The following FNDC3A variants were observed in gnomAD, a reference collection of about 807,000 sequenced individuals.
The protein encoded by FNDC3A is fibronectin type-III domain-containing protein 3A.
A neutral mutation model predicts 148.9 loss-of-function variants in FNDC3A; 32 were observed. The observed-to-expected ratio is 0.21, with a 90% confidence interval of 0.16 to 0.29. The LOEUF (loss-of-function observed/expected upper bound fraction) is 0.29. FNDC3A is among the 10% of genes least tolerant of loss of function. FNDC3A has a pLI of 1.00. For synonymous variants in FNDC3A, 472 were observed against 473.6 expected (o/e 1.00, Z 0.04); for missense variants, 1,191 against 1,452.8 (o/e 0.82, Z 2.93).
chr13:49,042,766 C>T (rs1437658257), intron 2 of FNDC3A, among the ~76,000 whole-genome samples: 1 of 151,880 alleles, frequency 6.6e-6, no homozygotes, highest in Non-Finnish European at 1.5e-5. Flanking sequence ...AACAGAGACC[C>T]TGTCTCAAAA....
Position 49,123,095 on chromosome 13 carries a change from C to G in FNDC3A, c.253-8042C>G, listed in dbSNP as rs1203493809. Among the ~76,000 whole-genome samples the G allele has an allele frequency of 2.0e-5, 3 of 152,148 alleles. No individual in the cohort carries two copies. The East Asian group carries it at 5.8e-4, about 29-fold the overall frequency. ...AGACATCATGCTGCCTGACTTCAAA[C>G]TATACTACAAATCTACAGTAACCAA... On this transcript the variant is annotated intron_variant, in intron 4 of 25. Coordinates refer to ENST00000492622, the MANE Select transcript of FNDC3A (RefSeq NM_001079673.2).
intron 2 of FNDC3A, among the ~76,000 whole-genome samples, chr13:49,033,286 T>C (rs1874261585): frequency 6.6e-6 from 1 of 152,218 alleles, no homozygotes; most frequent in African/African-American, 2.4e-5. Context: ...TTTGTTGATT[T>C]GGTTGCTATG....
Position 49,209,515 on chromosome 13 carries a change from TC to T in FNDC3A, c.*2121del, listed in dbSNP as rs1206871152. On this transcript the variant is annotated 3_prime_UTR_variant, in exon 26 of 26. Transcript: ENST00000492622. ...ATGAACTTCATACAAATGAAAAAAA[TC>T]TCATAAAAATACATAAACTATGTAG... is the stretch of plus-strand genomic sequence containing the variant. 2.0e-5 allele frequency: 3 copies of T among 152,418 alleles called. No homozygotes were observed. The highest frequency in any genetic ancestry group is 4.4e-5 in the Non-Finnish European group (3 of 67,990). 9.4% of individuals were successfully genotyped at this position (152,418 alleles called of 1,614,324 possible). A position where few individuals can be genotyped will look rare whatever the true frequency, so the allele number is the denominator to read the frequency against.
At chr13:49,071,252 C>T (rs1225496837) in intron 2 of FNDC3A, among the ~76,000 whole-genome samples, 1 of 151,838 alleles carries the variant, frequency 6.6e-6, no homozygotes, top group East Asian at 1.9e-4. Flanking sequence ...GTATATATAC[C>T]ACATTTTCTT....
At chr13:48,993,743 A>G (rs1056847466) in intron 1 of FNDC3A, among the ~76,000 whole-genome samples, 1 of 152,214 alleles carries the variant, frequency 6.6e-6, no homozygotes, top group East Asian at 1.9e-4. Flanking sequence ...TTTAGAACCT[A>G]GGTGGCAAGT....
intron 4 of FNDC3A, 36 bp downstream of exon 4, chr13:49,114,767 A>G (rs1445667676): frequency 6.3e-6 from 8 of 1,277,888 alleles, no homozygotes; most frequent in Middle Eastern, 1.8e-4. Context: ...TCATATTTGT[A>G]TAATAGTGAT....
At chr13:49,011,067 G>C (rs1952332738) in intron 2 of FNDC3A, among the ~76,000 whole-genome samples, 1 of 151,800 alleles carries the variant, frequency 6.6e-6, no homozygotes, top group Non-Finnish European at 1.5e-5. Flanking sequence ...CCATCTTGGG[G>C]GTTTCTAGTT....
At chr13:49,099,951 G>A (rs1593588424) in intron 3 of FNDC3A, among the ~76,000 whole-genome samples, 1 of 151,954 alleles carries the variant, frequency 6.6e-6, no homozygotes, top group South Asian at 2.1e-4. Flanking sequence ...GCAGCTTTAA[G>A]TTTATAAACC....
At chr13:49,038,963 G>A (rs1275797971) in intron 2 of FNDC3A, among the ~76,000 whole-genome samples, 1 of 152,078 alleles carries the variant, frequency 6.6e-6, no homozygotes, top group Non-Finnish European at 1.5e-5. Context: ...CCTCCAGAGA[G>A]GGACCTGAAT....
chr13:49,126,198 G>A (rs6561497), intron 4 of FNDC3A, among the ~76,000 whole-genome samples: 91,453 of 151,332 alleles, frequency 0.6, 27,699 homozygotes, highest in Admixed American at 0.64. Context: ...GGAGTTCACC[G>A]TGCTCTTGGT....
At chr13:49,012,404 C>G (rs1345829031) in intron 2 of FNDC3A, among the ~76,000 whole-genome samples, 6 of 152,160 alleles carry the variant, frequency 3.9e-5, no homozygotes, top group Admixed American at 6.5e-5. Flanking sequence ...AATTCTCTTT[C>G]ATTGATCTGT....
chr13:48,979,124 C>G (rs1951654908), intron 1 of FNDC3A, among the ~76,000 whole-genome samples: 1 of 152,114 alleles, frequency 6.6e-6, no homozygotes, highest in South Asian at 2.1e-4. Flanking sequence ...TCACCCATTA[C>G]CAGTCCTTGG....
intron 2 of FNDC3A, among the ~76,000 whole-genome samples, chr13:49,033,974 ACT>A (rs1185485858): frequency 6.6e-6 from 1 of 152,010 alleles, no homozygotes; most frequent in Non-Finnish European, 1.5e-5. Flanking sequence ...TGTAGTTAAA[ACT>A]GTTAGGAAAC....
intron 19 of FNDC3A, among the ~76,000 whole-genome samples, chr13:49,192,598 A>T (rs547785871): frequency 1.2e-4 from 19 of 152,294 alleles, no homozygotes; most frequent in South Asian, 8.3e-4. Context: ...TGCCCGGCCT[A>T]AATTTCTTAT....
At chr13:49,037,570 C>G (rs1874587192) in intron 2 of FNDC3A, among the ~76,000 whole-genome samples, 1 of 152,274 alleles carries the variant, frequency 6.6e-6, no homozygotes, top group Admixed American at 6.5e-5. Context: ...TGTCCACCCC[C>G]TACCCCCTGC....
intron 7 of FNDC3A, among the ~76,000 whole-genome samples, chr13:49,139,641 T>C (rs1882580385): frequency 6.6e-6 from 1 of 152,250 alleles, no homozygotes; most frequent in Admixed American, 6.5e-5. Context: ...ATTTGGTTGC[T>C]CTAGCTTTCT....
chr13:49,143,842 A>G (rs1486970826), intron 7 of FNDC3A, among the ~76,000 whole-genome samples: 1 of 152,030 alleles, frequency 6.6e-6, no homozygotes, highest in Non-Finnish European at 1.5e-5. Flanking sequence ...TGATAAAGCA[A>G]GCTTCATAAA....
chr13:49,190,839 T>C (rs1267181290), intron 17 of FNDC3A, among the ~76,000 whole-genome samples, 176 bp from the exon 18 acceptor site: 2 of 152,234 alleles, frequency 1.3e-5, no homozygotes, highest in African/African-American at 4.8e-5. Context: ...TTTTGAGTTT[T>C]TATTTAATTG....
At chr13:48,998,891 G>A (rs556830871) in intron 1 of FNDC3A, among the ~76,000 whole-genome samples, 1 of 152,290 alleles carries the variant, frequency 6.6e-6, no homozygotes, top group South Asian at 2.1e-4. Flanking sequence ...ACTGCCAGCT[G>A]AGATTAAAGG....
Sources: gnomAD v4.1 joint callset for allele counts (sites outside exome capture counted in the v4.1 genomes callset) on GRCh38, gnomAD v4.1.1 for gene constraint, MANE v1.5 for transcripts, NCBI Gene and HGNC (gene_info 2026-07-23, HGNC 2026-07-21) for gene names.